The following LAMA2 variants were observed in gnomAD, a reference collection of about 807,000 sequenced individuals.
The protein encoded by LAMA2 is laminin subunit alpha 2, also known as laminin subunit alpha-2.
LAMA2 carries 269 observed loss-of-function variants against 364.8 expected under a neutral mutation model. The observed-to-expected ratio is 0.74, with a 90% CI of 0.67 to 0.82. The LOEUF is 0.82. Among genes scored for constraint, LAMA2 ranks in the 40% least tolerant of loss-of-function variants. The probability of loss-of-function intolerance (pLI) is 0.00; values close to 1 mark genes in which losing one functional copy is unlikely to be tolerated. For missense variants in LAMA2, 3,807 were observed against 3,873.2 expected (o/e 0.98, Z 0.45); for synonymous variants, 1,379 against 1,370.6 (o/e 1.01, Z -0.14).
intron 3 of LAMA2, among the ~76,000 whole-genome samples, chr6:129,090,444 A>G (rs543838726): frequency 1.3e-5 from 2 of 152,332 alleles, no homozygotes; most frequent in African/African-American, 4.8e-5. Context: ...TCAGTATTCA[A>G]ATTCATCACA....
At chr6:129,112,837 A>G (rs1396548320) in intron 4 of LAMA2, among the ~76,000 whole-genome samples, 1 of 151,898 alleles carries the variant, frequency 6.6e-6, no homozygotes, top group African/African-American at 2.4e-5. Context: ...AATTGCCTTG[A>G]CTCACCATAA....
At position 129,154,593 on chromosome 6, in the gene LAMA2, C is replaced by T. The variant is rs961911615; in HGVS notation, c.1116C>T (p.Tyr372=). ...RNLSLNIRGK[Y]IGGGVCINCT... ...TGAGTTTGAATATACGTGGAAAGTA[C>T]ATTGGAGGGGGTGTCTGCATTAATT... is the stretch of plus-strand genomic sequence containing the variant. Residue 372 remains tyrosine, a synonymous_variant, in exon 8 of 65, where the codon TAC becomes TAT. Transcript: ENST00000421865. The T allele has an allele frequency of 1.9e-6, 3 of 1,613,392 alleles. No homozygotes were observed. The highest frequency in any genetic ancestry group is 2.5e-6 in the Non-Finnish European group (3 of 1,179,400).
chr6:129,312,164 A>C (rs1774268413), intron 22 of LAMA2, among the ~76,000 whole-genome samples: 1 of 149,062 alleles, frequency 6.7e-6, no homozygotes, highest in African/African-American at 2.5e-5. Context: ...AAAAAAAAAA[A>C]CAAACCCAAG....
At chr6:129,027,739 A>G (rs959243213) in intron 1 of LAMA2, among the ~76,000 whole-genome samples, 1 of 151,926 alleles carries the variant, frequency 6.6e-6, no homozygotes, top group Non-Finnish European at 1.5e-5. Flanking sequence ...AAGCAATTGA[A>G]CACTACCCAG....
At chr6:129,022,061 G>T (rs894062575) in intron 1 of LAMA2, among the ~76,000 whole-genome samples, 1 of 152,166 alleles carries the variant, frequency 6.6e-6, no homozygotes, top group South Asian at 2.1e-4. Context: ...AATCAACCAT[G>T]CTAGTAAAAA....
intron 1 of LAMA2, among the ~76,000 whole-genome samples, chr6:128,977,454 G>A (rs922920062): frequency 6.6e-6 from 1 of 151,602 alleles, no homozygotes; most frequent in Non-Finnish European, 1.5e-5. Flanking sequence ...ATAGAGATGA[G>A]GTCTCACTAT....
At chr6:129,445,849 T>A (rs942623178) in intron 45 of LAMA2, 28 bp downstream of exon 45, 1 of 1,582,920 alleles carries the variant, frequency 6.3e-7, no homozygotes, top group African/African-American at 1.3e-5. Flanking sequence ...TCAGTATCAG[T>A]AACTGATTGT....
chr6:129,234,033 C>A (rs192304257), intron 12 of LAMA2, among the ~76,000 whole-genome samples: 66 of 152,228 alleles, frequency 4.3e-4, no homozygotes, highest in African/African-American at 1.5e-3. Flanking sequence ...AGGTTAAGAG[C>A]GGCTTTGCCT....
chr6:129,072,390 C>A (rs1773374835), intron 3 of LAMA2, among the ~76,000 whole-genome samples: 3 of 152,012 alleles, frequency 2.0e-5, no homozygotes, highest in Non-Finnish European at 4.4e-5. Context: ...GATTCACTAG[C>A]TTCCTTTTTT....
intron 12 of LAMA2, among the ~76,000 whole-genome samples, chr6:129,197,206 G>C (rs1460662391): frequency 6.6e-6 from 1 of 152,176 alleles, no homozygotes; most frequent in African/African-American, 2.4e-5. Context: ...TTGCAAAGCT[G>C]TCTCTTGGGG....
At chr6:129,296,546 C>A (rs1447854362) in intron 20 of LAMA2, among the ~76,000 whole-genome samples, 3 of 152,028 alleles carry the variant, frequency 2.0e-5, no homozygotes, top group Non-Finnish European at 4.4e-5. Context: ...TTTTAAAAAT[C>A]TAATTTTCAG....
intron 34 of LAMA2, among the ~76,000 whole-genome samples, chr6:129,377,223 G>A (rs1342352446): frequency 6.6e-6 from 1 of 151,780 alleles, no homozygotes; most frequent in African/African-American, 2.4e-5. Context: ...GTATTTTATT[G>A]CCTATTGAAT....
rs1463264889 is a variant in LAMA2, at chr6:129,503,269, C to T, written c.8536C>T (p.Gln2846Ter). The T allele has an allele frequency of 1.9e-6, 3 of 1,613,670 alleles. No homozygotes were observed. Among genetic ancestry groups the T allele is most frequent in the Admixed American group, 3.3e-5 (2 of 60,024 alleles). The change falls in exon 60 of 65, where the codon CAG becomes TAG. Residue 2846 changes from glutamine (Q) to a stop codon, truncating the protein, a stop_gained. Coordinates refer to ENST00000421865, the MANE Select transcript of LAMA2 (RefSeq NM_000426.4). LOFTEE classifies it high-confidence loss of function. ...GATCCCCACCAAAATCAATGATGGC[C>T]AGTGGCACAAGGTAATAGTCCCCTG... is the stretch of plus-strand genomic sequence containing the variant. ...TMIPTKINDG[Q>*]WHKIKIMRSK...
chr6:129,304,092 A>G (rs1184252685), intron 22 of LAMA2, among the ~76,000 whole-genome samples: 2 of 152,204 alleles, frequency 1.3e-5, no homozygotes, highest in East Asian at 3.8e-4. Context: ...ACAAGCAATC[A>G]AAATCACAAA....
In LAMA2 at chr6:129,514,612, C is replaced by T. The variant is rs367830612; in HGVS notation, c.9211+17C>T. ...GCTTCCCAGGTGAGTGTTGGCTACC[C>T]CAGCAACAATTTCTTTGCTCTCTTA... On this transcript the variant is annotated intron_variant, in intron 64 of 64. Transcript: ENST00000421865. 2.8e-4 allele frequency: 442 copies of T among 1,584,742 alleles called. No homozygotes were observed. Among genetic ancestry groups the T allele is most frequent in the Non-Finnish European group, 3.6e-4 (412 of 1,153,944 alleles).
intron 1 of LAMA2, among the ~76,000 whole-genome samples, chr6:129,028,006 G>A (rs1785953032): frequency 6.6e-6 from 1 of 151,812 alleles, no homozygotes; most frequent in Non-Finnish European, 1.5e-5. Flanking sequence ...TTAATCTATA[G>A]TAATGCACAT....
rs775847695 is a variant in LAMA2, at chr6:129,454,252, T to G, written c.6671T>G (p.Ile2224Ser). Residue 2224 changes from isoleucine (I) to serine (S), a missense_variant, in exon 47 of 65, where the codon ATT (isoleucine) becomes AGT (serine). Ile to Ser is a moderately radical substitution (Grantham distance 142, BLOSUM62 -2). Coordinates refer to ENST00000421865, the MANE Select transcript of LAMA2 (RefSeq NM_000426.4). ...VGRVEYPDLT[I>S]DDSYWYRIVA... is the part of the protein sequence containing the mutation. ...CGTGTAGAGTACCCAGATTTGACTA[T>G]TGATGACTCATATTGGTACCGTATC... The G allele has an allele frequency of 1.9e-6, 3 of 1,612,300 alleles. No individual in the cohort carries two copies. Among genetic ancestry groups the G allele is most frequent in the East Asian group, 4.5e-5 (2 of 44,804 alleles).
At chr6:129,384,743 G>A (rs1285146530) in intron 35 of LAMA2, among the ~76,000 whole-genome samples, 5 of 152,008 alleles carry the variant, frequency 3.3e-5, no homozygotes, top group Admixed American at 3.3e-4. Context: ...CTATACACCA[G>A]AGAAAGGATT....
At chr6:129,510,281 C>T (rs1273904819) in intron 62 of LAMA2, among the ~76,000 whole-genome samples, 3 of 152,012 alleles carry the variant, frequency 2.0e-5, no homozygotes, top group Non-Finnish European at 4.4e-5. Context: ...ACAAAGTCAA[C>T]ATACAAAAAT....
Sources: allele counts gnomAD v4.1 joint callset (sites outside exome capture counted in the v4.1 genomes callset), GRCh38; gene constraint gnomAD v4.1.1; transcripts MANE v1.5; gene names NCBI Gene and HGNC (gene_info 2026-07-23, HGNC 2026-07-21).